KIAA1328: variants seen among roughly 807,000 people sequenced by gnomAD.
KIAA1328 encodes protein hinderin.
KIAA1328 carries 52 observed loss-of-function variants against 68.1 expected under a neutral mutation model. The ratio of observed to expected loss-of-function variants is 0.76; its 90% confidence interval spans 0.61 to 0.96. KIAA1328 has a LOEUF of 0.96. Among genes scored for constraint, KIAA1328 ranks in the 40% least tolerant of loss-of-function variants. KIAA1328 has a pLI of 0.00. For synonymous variants in KIAA1328, 232 were observed against 239.4 expected, an observed-to-expected ratio of 0.97 and a Z score of 0.28; for missense variants, 641 against 677.6, an observed-to-expected ratio of 0.95 and a Z score of 0.60.
chr18:36,964,689 G>T (rs990248084), intron 6 of KIAA1328, among the ~76,000 whole-genome samples: 4 of 152,022 alleles, frequency 2.6e-5, no homozygotes, highest in African/African-American at 9.7e-5. Context: ...GTTCTTCATA[G>T]TGGGTTCTAG....
intron 5 of KIAA1328, among the ~76,000 whole-genome samples, chr18:36,908,914 T>C (rs2151061091): frequency 6.6e-6 from 1 of 152,300 alleles, no homozygotes; most frequent in East Asian, 1.9e-4. Context: ...GAATCCCTGT[T>C]TTCAAAGCCA....
chr18:36,840,686 C>T (rs1010021398), intron 3 of KIAA1328, among the ~76,000 whole-genome samples: 14 of 152,072 alleles, frequency 9.2e-5, no homozygotes, highest in African/African-American at 2.4e-4. Context: ...CTCCTGACCT[C>T]GTGATCCACC....
At chr18:37,199,084 T>G (rs528695935) in intron 9 of KIAA1328, among the ~76,000 whole-genome samples, 19 of 152,294 alleles carry the variant, frequency 1.2e-4, no homozygotes, top group African/African-American at 4.6e-4. Flanking sequence ...ACAGAGGACA[T>G]GTTTTTTGTT....
At position 36,857,193 on chromosome 18, in the gene KIAA1328, A is replaced by C. The variant is rs566038310; in HGVS notation, c.332+12891A>C. ...CTATGGCTATCAGCATATGCATTACACTCTGGATTCCCTGGTGTATGTGGA... is the reference window on the plus strand; with the variant it reads ...CTATGGCTATCAGCATATGCATTACCCTCTGGATTCCCTGGTGTATGTGGA... On this transcript the variant is annotated intron_variant, in intron 4 of 9. Coordinates refer to ENST00000280020, the MANE Select transcript of KIAA1328 (RefSeq NM_020776.3). 1.2e-4 allele frequency among the ~76,000 whole-genome samples: 18 copies of C among 151,988 alleles called. No homozygotes were observed. In the South Asian group the frequency reaches 3.7e-3, roughly 32 times the overall value.
chr18:36,851,534 T>A (rs1207257949), intron 4 of KIAA1328, among the ~76,000 whole-genome samples: 3 of 151,872 alleles, frequency 2.0e-5, no homozygotes, highest in Non-Finnish European at 2.9e-5. Flanking sequence ...GTTTTGGTAA[T>A]TTTTTTTGTT....
intron 6 of KIAA1328, among the ~76,000 whole-genome samples, chr18:37,014,769 T>C (rs899257784): frequency 1.6e-4 from 24 of 152,104 alleles, no homozygotes; most frequent in African/African-American, 5.6e-4. Flanking sequence ...ACCTCCCACC[T>C]CCAACACTGG....
intron 6 of KIAA1328, among the ~76,000 whole-genome samples, chr18:37,027,416 C>T (rs1351494977): frequency 1.3e-5 from 2 of 152,162 alleles, no homozygotes; most frequent in South Asian, 2.1e-4. Context: ...CCAAGTCAAT[C>T]CTAAAACAAA....
intron 7 of KIAA1328, among the ~76,000 whole-genome samples, chr18:37,084,607 T>G (rs1224751722): frequency 6.6e-6 from 1 of 151,446 alleles, no homozygotes; most frequent in Admixed American, 6.6e-5. Flanking sequence ...GTGAAAACAT[T>G]AATTCATTCA....
chr18:37,067,178 G>C lies in KIAA1328; in HGVS notation c.865G>C (p.Glu289Gln). ...AVPTEKMPQEELHMKECPHLK... is the reference protein window; with the variant it reads ...AVPTEKMPQEQLHMKECPHLK... Reference sequence around the variant, plus strand: ...CCCAACAGAGAAAATGCCACAAGAAGAATTGCACATGAAGGAATGTCCACA... The same window carrying C: ...CCCAACAGAGAAAATGCCACAAGAACAATTGCACATGAAGGAATGTCCACA... Residue 289 changes from glutamate (E) to glutamine (Q), a missense_variant, in exon 7 of 10, where the codon GAA becomes CAA. Glu to Gln is a conservative substitution (Grantham distance 29, BLOSUM62 2). Transcript: ENST00000280020. 6.2e-7 allele frequency: 1 copy of C among 1,613,968 alleles called. No individual in the cohort carries two copies.
intron 9 of KIAA1328, among the ~76,000 whole-genome samples, chr18:37,197,074 G>C (rs2060017257): frequency 6.6e-6 from 1 of 151,978 alleles, no homozygotes. Context: ...TTGGCCTATA[G>C]TCATTCATAA....
intron 7 of KIAA1328, among the ~76,000 whole-genome samples, chr18:37,099,213 G>A (rs910844326): frequency 3.9e-5 from 6 of 152,136 alleles, no homozygotes; most frequent in Non-Finnish European, 8.8e-5. Flanking sequence ...TGGGCATTTA[G>A]TGCTATAAAT....
intron 5 of KIAA1328, among the ~76,000 whole-genome samples, chr18:36,911,902 A>G (rs1036288686): frequency 4.6e-5 from 7 of 152,282 alleles, no homozygotes; most frequent in East Asian, 1.9e-4. Context: ...TATCATTATT[A>G]TAATTATTAC....
chr18:37,116,988 G>A (rs1053237585), intron 7 of KIAA1328, among the ~76,000 whole-genome samples: 8 of 152,108 alleles, frequency 5.3e-5, no homozygotes, highest in East Asian at 3.9e-4. Flanking sequence ...TTAGAATGGT[G>A]ATCATTAAAA....
At chr18:37,227,390 C>T (rs900021968), downstream of KIAA1328, among the ~76,000 whole-genome samples, 2 of 152,180 alleles carry the variant, frequency 1.3e-5, no homozygotes, top group Non-Finnish European at 2.9e-5. Context: ...TGAGGACTTC[C>T]GTAACTAGAG....
intron 9 of KIAA1328, among the ~76,000 whole-genome samples, chr18:37,198,764 G>A (rs949664526): frequency 6.6e-6 from 1 of 152,198 alleles, no homozygotes; most frequent in Non-Finnish European, 1.5e-5. Context: ...GGCAATTTCT[G>A]TTTGATGACC....
chr18:36,870,508 A>G, intron 4 of KIAA1328, among the ~76,000 whole-genome samples: 1 of 152,192 alleles, frequency 6.6e-6, no homozygotes, highest in East Asian at 1.9e-4. Context: ...ATGAAGTAAA[A>G]TTCCTCTTTG....
intron 5 of KIAA1328, among the ~76,000 whole-genome samples, chr18:36,905,430 A>G (rs1485000804): frequency 6.6e-6 from 1 of 152,072 alleles, no homozygotes; most frequent in Non-Finnish European, 1.5e-5. Flanking sequence ...ATATTTAAAT[A>G]AGGAAAATAA....
At chr18:37,104,688 G>C (rs1035955226) in intron 7 of KIAA1328, among the ~76,000 whole-genome samples, 2 of 152,158 alleles carry the variant, frequency 1.3e-5, no homozygotes, top group Non-Finnish European at 2.9e-5. Context: ...TGAGGTGATT[G>C]ATATCCTAAA....
At chr18:37,042,417 C>T (rs1396073902) in intron 6 of KIAA1328, among the ~76,000 whole-genome samples, 2 of 152,160 alleles carry the variant, frequency 1.3e-5, no homozygotes, top group Non-Finnish European at 2.9e-5. Flanking sequence ...AGCAGCTATT[C>T]TTTCAGTCTT....
Sources: allele counts gnomAD v4.1 joint callset (sites outside exome capture counted in the v4.1 genomes callset), GRCh38; gene constraint gnomAD v4.1.1; transcripts MANE v1.5; gene names NCBI Gene and HGNC (gene_info 2026-07-23, HGNC 2026-07-21).